ASPHD1: variants seen among roughly 807,000 people sequenced by gnomAD.
ASPHD1 encodes the protein aspartate beta-hydroxylase domain-containing protein 1.
A neutral mutation model predicts 28.3 loss-of-function variants in ASPHD1; 20 were observed. That is an observed-to-expected ratio of 0.71 (90% CI 0.50 to 1.03). The LOEUF is 1.03. Ranked by LOEUF, ASPHD1 falls within the 50% of genes least tolerant of loss-of-function variation. The pLI is 0.00. For synonymous variants in ASPHD1, 240 were observed against 221.2 expected (o/e 1.08, Z -0.75); for missense variants, 479 against 524.1 (o/e 0.91, Z 0.84).
rs550304624 is a variant in ASPHD1, at chr16:29,918,638, T to C, written c.*63-893T>C. The stretch of plus-strand genomic sequence containing the variant: ...GGCACCCACCACCACTCCCAGCTAA[T>C]TTTTGTAATTTTTTATTTATTTATT... On this transcript the variant is annotated intron_variant and NMD_transcript_variant, in intron 3 of 3. Transcript: ENST00000414952. 2.0e-5 allele frequency among the ~76,000 whole-genome samples: 3 copies of C among 151,780 alleles called. No individual in the cohort carries two copies. In the East Asian group the frequency reaches 5.8e-4, roughly 29 times the overall value.
rs1329794137 is a variant in ASPHD1, at chr16:29,902,910, C to T, written c.949+990C>T. On this transcript the variant is annotated intron_variant, in intron 1 of 2. Coordinates refer to ENST00000308748, the MANE Select transcript of ASPHD1 (RefSeq NM_181718.4). ...TTTTCTTTTTTTTTTTTTTTTGAGACAGGGTCTCACTCTGTCACCCAGGCT... is the reference window on the plus strand; with the variant it reads ...TTTTCTTTTTTTTTTTTTTTTGAGATAGGGTCTCACTCTGTCACCCAGGCT... Among the ~76,000 whole-genome samples, 20 of 94,972 alleles carry T rather than the reference C, an allele frequency of 2.1e-4. No homozygotes were observed. The East Asian group carries it at 4.9e-3, about 23-fold the overall frequency. The allele number at this position is 94,972 out of a possible 152,430, so 62.3% of individuals were successfully genotyped here. A position where few individuals can be genotyped will look rare whatever the true frequency, so the allele number is the denominator to read the frequency against.
chr16:29,919,778 G>A (rs901433258), downstream of ASPHD1: 2 of 152,030 alleles, frequency 1.3e-5, no homozygotes, highest in Non-Finnish European at 1.5e-5. Flanking sequence ...CACAGGAAAC[G>A]ACCTGGAAGA....
In ASPHD1 at chr16:29,901,043, A is replaced by G. The variant is rs755671354; in HGVS notation, c.72A>G (p.Gly24=). ...PRKERETAQS[G]MWKGNSPAGS... is the part of the protein sequence containing the mutation. Reference sequence around the variant, plus strand: ...AGGAGAGAGAGACAGCCCAGAGTGGAATGTGGAAGGGAAACAGTCCAGCGG... The same window carrying G: ...AGGAGAGAGAGACAGCCCAGAGTGGGATGTGGAAGGGAAACAGTCCAGCGG... The change falls in exon 1 of 3, where the codon GGA becomes GGG. Residue 24 remains glycine (G), a synonymous_variant. Transcript: ENST00000308748. This position sits in a 1 kb window ranked among gnomAD's most constrained non-coding sequence, Gnocchi z 5.1. The G allele has an allele frequency of 6.3e-7, 1 of 1,594,772 alleles. No individual in the cohort carries two copies.
intron 3 of ASPHD1, chr16:29,912,274 G>A (rs114467848): frequency 5.7e-5 from 33 of 577,988 alleles, no homozygotes; most frequent in Non-Finnish European, 9.0e-5. Context: ...TGCCTGCCCC[G>A]GCCACTGGCT....
chr16:29,909,223 G>C (rs2068664008), downstream of ASPHD1, among the ~76,000 whole-genome samples: 1 of 152,150 alleles, frequency 6.6e-6, no homozygotes, highest in Non-Finnish European at 1.5e-5. Flanking sequence ...ACTGTCTTTA[G>C]CTATGAAGGG....
In ASPHD1 at chr16:29,901,483, G is replaced by A; in HGVS notation, c.512G>A (p.Gly171Asp). 1 of 1,604,782 alleles carries A rather than the reference G, an allele frequency of 6.2e-7. No homozygotes were observed. The highest frequency in any genetic ancestry group is 8.5e-7 in the Non-Finnish European group (1 of 1,178,342). ...GMGRVRRAAQ[G>D]GPGPGRGPGV... ...GGTAGAGTGAGGCGGGCAGCTCAGGGTGGCCCAGGCCCTGGGAGAGGGCCA... is the reference window on the plus strand; with the variant it reads ...GGTAGAGTGAGGCGGGCAGCTCAGGATGGCCCAGGCCCTGGGAGAGGGCCA... The change falls in exon 1 of 3, where the codon GGT becomes GAT. Residue 171 changes from glycine to aspartate, a missense_variant. Physicochemically the swap from Gly to Asp is moderately conservative, Grantham distance 94. Coordinates refer to ENST00000308748, the MANE Select transcript of ASPHD1 (RefSeq NM_181718.4). This position sits in a 1 kb window ranked among gnomAD's most constrained non-coding sequence, Gnocchi z 5.1.
intron 1 of ASPHD1, among the ~76,000 whole-genome samples, chr16:29,903,838 T>C (rs942337868): frequency 2.0e-5 from 3 of 152,146 alleles, no homozygotes; most frequent in East Asian, 3.9e-4. Context: ...ATCAGTTGAG[T>C]TGGCTGCTCA....
chr16:29,901,328 T>C lies in ASPHD1; in HGVS notation c.357T>C (p.Pro119=). The change falls in exon 1 of 3, where the codon CCT becomes CCC. Residue 119 remains proline, a synonymous_variant. Coordinates refer to ENST00000308748, the MANE Select transcript of ASPHD1 (RefSeq NM_181718.4). The surrounding 1 kb of genome is among the most constrained non-coding windows in gnomAD (Gnocchi z 5.1). ...GSRAGGVRGG[P]VGCSEAGGPS... ...GAGCTGGGGGTGTTCGTGGTGGGCCTGTGGGATGCTCGGAGGCCGGCGGGC... is the reference window on the plus strand; with the variant it reads ...GAGCTGGGGGTGTTCGTGGTGGGCCCGTGGGATGCTCGGAGGCCGGCGGGC... The C allele has an allele frequency of 6.2e-7, 1 of 1,607,280 alleles. No homozygotes were observed. The highest frequency in any genetic ancestry group is 8.5e-7 in the Non-Finnish European group (1 of 1,177,502).
chr16:29,916,059 G>A (rs993458890), intron 3 of ASPHD1, among the ~76,000 whole-genome samples: 4 of 152,026 alleles, frequency 2.6e-5, no homozygotes, highest in Non-Finnish European at 2.9e-5. Context: ...AAGCTCCTTA[G>A]CTAGACCATC....
Position 29,905,929 on chromosome 16 carries a change from G to C in ASPHD1, c.*32G>C, listed in dbSNP as rs377563558. 4 of 1,470,704 alleles carry C rather than the reference G, an allele frequency of 2.7e-6. No individual in the cohort carries two copies. The South Asian group carries it at 4.6e-5, about 17-fold the overall frequency. 91.1% of individuals were successfully genotyped at this position (1,470,704 alleles called of 1,614,324 possible). A position where few individuals can be genotyped will look rare whatever the true frequency, so the allele number is the denominator to read the frequency against. ...GTGCTCCCTTCACACACCCAGGCTG[G>C]AGAGACACTGCGCTCAGGGACGGCT... is the stretch of plus-strand genomic sequence containing the variant. On this transcript the variant is annotated 3_prime_UTR_variant, in exon 3 of 3. Transcript: ENST00000308748.
At chr16:29,905,256 C>A in intron 2 of ASPHD1, 1 of 308,748 alleles carries the variant, frequency 3.2e-6, no homozygotes, top group Non-Finnish European at 6.0e-6. Flanking sequence ...AGGACTTAAC[C>A]TCCTTATGCC....
In ASPHD1 at chr16:29,901,183, G is replaced by A; in HGVS notation, c.212G>A (p.Trp71Ter). Residue 71 changes from tryptophan to a stop codon, truncating the protein, a stop_gained, in exon 1 of 3, where the codon TGG becomes TAG. Coordinates refer to ENST00000308748, the MANE Select transcript of ASPHD1 (RefSeq NM_181718.4). LOFTEE classifies it high-confidence loss of function. This position sits in a 1 kb window ranked among gnomAD's most constrained non-coding sequence, Gnocchi z 5.1. ...LARASLIMLP[W>*]PLPLASSALT... ...AGGGCCTCCCTGATCATGCTCCCGT[G>A]GCCACTACCCCTGGCCTCCTCGGCC... 1 of 1,613,424 alleles carries A rather than the reference G, an allele frequency of 6.2e-7. No homozygotes were observed. Among genetic ancestry groups the A allele is most frequent in the Non-Finnish European group, 8.5e-7 (1 of 1,179,682 alleles).
chr16:29,910,887 G>A (rs763568925), downstream of ASPHD1: 138 of 1,199,454 alleles, frequency 1.2e-4, no homozygotes, highest in Non-Finnish European at 1.5e-4. Context: ...CCTCCTGGTG[G>A]TGGGCTCCTT....
chr16:29,906,144 C>CTT, downstream of ASPHD1: 4 of 267,620 alleles, frequency 1.5e-5, no homozygotes, highest in South Asian at 7.6e-5. Flanking sequence ...CCTTTTTTTT[C>CTT]TTTCTTTTTT....
At chr16:29,915,813 C>T (rs1597021463) in intron 3 of ASPHD1, among the ~76,000 whole-genome samples, 1 of 152,146 alleles carries the variant, frequency 6.6e-6, no homozygotes, top group East Asian at 1.9e-4. Context: ...ATCACATCCT[C>T]AGCTTGACCT....
At chr16:29,916,859 C>T (rs1015711190) in intron 3 of ASPHD1, among the ~76,000 whole-genome samples, 10 of 152,144 alleles carry the variant, frequency 6.6e-5, no homozygotes, top group Non-Finnish European at 1.5e-4. Context: ...TTGCCTGGGC[C>T]TAGAAGCTCT....
At chr16:29,912,034 G>A in intron 3 of ASPHD1, 1 of 1,608,104 alleles carries the variant, frequency 6.2e-7, no homozygotes, top group Non-Finnish European at 8.5e-7. Context: ...AGCGGGGACA[G>A]CGTCTCCCTT....
At chr16:29,918,696 GC>G (rs1431651042) in intron 3 of ASPHD1, among the ~76,000 whole-genome samples, 6 of 151,900 alleles carry the variant, frequency 3.9e-5, no homozygotes, top group Admixed American at 3.3e-4. Flanking sequence ...TCGCACTGTT[GC>G]CCAGGCTGGA....
intron 3 of ASPHD1, among the ~76,000 whole-genome samples, chr16:29,916,142 C>G (rs1304828916): frequency 6.6e-6 from 1 of 152,186 alleles, no homozygotes. Flanking sequence ...TGCCGCTACA[C>G]AAGGATCTCC....
Sources: allele counts gnomAD v4.1 joint callset (sites outside exome capture counted in the v4.1 genomes callset), GRCh38; gene constraint gnomAD v4.1.1; non-coding constraint Gnocchi (gnomAD v3.1); transcripts MANE v1.5; gene names NCBI Gene and HGNC (gene_info 2026-07-23, HGNC 2026-07-21).